MPDZ: variants seen among roughly 807,000 people sequenced by gnomAD.
MPDZ encodes multiple PDZ domain crumbs cell polarity complex component, also known as multiple PDZ domain protein.
MPDZ carries 234 observed loss-of-function variants against 239.1 expected under a neutral mutation model. That is an observed-to-expected ratio of 0.98 (90% confidence interval 0.88 to 1.09). The LOEUF is 1.09. MPDZ is among the 50% of genes least tolerant of loss of function. The pLI is 0.00. For synonymous variants in MPDZ, 1,048 were observed against 881.3 expected, an observed-to-expected ratio of 1.19 and a Z score of -3.35; for missense variants, 3,175 against 2,510.0, an observed-to-expected ratio of 1.26 and a Z score of -5.66.
chr9:13,156,285 T>C (rs1027401721), intron 24 of MPDZ, among the ~76,000 whole-genome samples: 2 of 152,190 alleles, frequency 1.3e-5, no homozygotes, highest in Admixed American at 1.3e-4. Context: ...AACATGGCTC[T>C]TACTGACACC....
intron 1 of MPDZ, among the ~76,000 whole-genome samples, chr9:13,277,690 T>C (rs1228900830): frequency 6.6e-6 from 1 of 152,022 alleles, no homozygotes; most frequent in Non-Finnish European, 1.5e-5. Flanking sequence ...CCAGCCTCCC[T>C]AGTATCTGAG....
At chr9:13,267,357 A>C (rs960106184) in intron 1 of MPDZ, among the ~76,000 whole-genome samples, 2 of 152,202 alleles carry the variant, frequency 1.3e-5, no homozygotes, top group Non-Finnish European at 2.9e-5. Context: ...AATCCTACCA[A>C]GAGCTCCATA....
Position 13,147,751 on chromosome 9 carries a change from T to G in MPDZ, c.3631-93A>C. On this transcript the variant is annotated intron_variant, in intron 25 of 46. Transcript: ENST00000319217. The stretch of plus-strand genomic sequence containing the variant: ...GAGTTTTAGGGATACTTGGTTAGAC[T>G]CCTAGAAAATCTGTTTTAATATCAA... 4.7e-6 allele frequency: 4 copies of G among 848,866 alleles called. No homozygotes were observed. In the South Asian group the frequency reaches 6.7e-5, roughly 14 times the overall value. 52.6% of individuals were successfully genotyped at this position (848,866 alleles called of 1,614,324 possible).
rs376418220 is a variant in MPDZ, at chr9:13,123,693, A to T, written c.4808-395T>A. 2.6e-5 allele frequency among the ~76,000 whole-genome samples: 4 copies of T among 152,198 alleles called. No homozygotes were observed. The East Asian group carries it at 7.7e-4, about 29-fold the overall frequency. On this transcript the variant is annotated intron_variant, in intron 35 of 46. Transcript: ENST00000319217. ...TTCTTATGAATTAAAAGATTTATAG[A>T]ACTCATAACTGAGATATGTGGCAAA...
chr9:13,141,737 C>T (rs1328086490), intron 27 of MPDZ, among the ~76,000 whole-genome samples: 2 of 152,074 alleles, frequency 1.3e-5, no homozygotes, highest in Admixed American at 6.6e-5. Context: ...AGACTGAATG[C>T]GACCTTTCTT....
chr9:13,258,009 C>T (rs1376275401), intron 1 of MPDZ, among the ~76,000 whole-genome samples: 2 of 152,112 alleles, frequency 1.3e-5, no homozygotes, highest in African/African-American at 4.8e-5. Flanking sequence ...GAGACAGCTG[C>T]CTAATCCTTA....
rs565420901 is a variant in MPDZ, at chr9:13,112,017, G to T, written c.5724+7C>A. The T allele has an allele frequency of 2.5e-6, 4 of 1,612,862 alleles. No individual in the cohort carries two copies. The highest frequency in any genetic ancestry group is 3.4e-6 in the Non-Finnish European group (4 of 1,179,206). ...CTAGGGCTTCTAGGGTTGATAGTAC[G>T]ACTCACTCTGAGTTTTTGGGTCTGT... On this transcript the variant is annotated splice_region_variant and intron_variant, in intron 43 of 46. Transcript: ENST00000319217.
In MPDZ at chr9:13,265,578, A is replaced by T. The variant is rs1372965492; in HGVS notation, c.-58+13822T>A. On this transcript the variant is annotated intron_variant, in intron 1 of 46. Transcript: ENST00000319217. ...GAGCGAAACTCCATCTCAAAAAGAA[A>T]AGAAGAAAAGAAAGCATTTGGTACT... is the stretch of plus-strand genomic sequence containing the variant. 4.7e-4 allele frequency among the ~76,000 whole-genome samples: 72 copies of T among 152,194 alleles called. 1 individual carries two copies. The highest frequency in any genetic ancestry group is 4.7e-3 in the Admixed American group (72 of 15,278).
chr9:13,176,236 T>C lies in MPDZ; in HGVS notation c.2831A>G (p.Tyr944Cys). Residue 944 changes from tyrosine to cysteine, a missense_variant, in exon 20 of 47, where the codon TAT becomes TGT. Transcript: ENST00000319217. The part of the protein sequence containing the change: ...YTPANAIEQQ[Y>C]ECENTIVWTE... ...CCACACTATTGTGTTTTCACATTCA[T>C]ATTGTTGTTCAATAGCATTTGCAGG... 6.2e-7 allele frequency: 1 copy of C among 1,606,188 alleles called. No homozygotes were observed. The highest frequency in any genetic ancestry group is 8.5e-7 in the Non-Finnish European group (1 of 1,175,678).
At chr9:13,214,442 A>T (rs1396802561) in intron 10 of MPDZ, among the ~76,000 whole-genome samples, 2 of 151,932 alleles carry the variant, frequency 1.3e-5, no homozygotes, top group African/African-American at 2.4e-5. Flanking sequence ...GTGACTGCTA[A>T]GGGGTACTGA....
chr9:13,134,545 T>C (rs1946465434), intron 31 of MPDZ: 1 of 152,206 alleles, frequency 6.6e-6, no homozygotes, highest in Non-Finnish European at 1.5e-5. Flanking sequence ...AATGTTTCTC[T>C]TCCTACAGGT....
chr9:13,114,821 G>A (rs916202041), intron 40 of MPDZ, among the ~76,000 whole-genome samples: 5 of 152,064 alleles, frequency 3.3e-5, no homozygotes, highest in South Asian at 2.1e-4. Flanking sequence ...AATCTACTTC[G>A]CCCGGGAGGC....
At chr9:13,225,652 C>CTGCATATAT (rs1172383276) in intron 3 of MPDZ, among the ~76,000 whole-genome samples, 1 of 151,924 alleles carries the variant, frequency 6.6e-6, no homozygotes, top group Non-Finnish European at 1.5e-5. Context: ...CAACTGCATA[C>CTGCATATAT]AGTACTCCAT....
At chr9:13,271,799 T>C (rs1285328991) in intron 1 of MPDZ, among the ~76,000 whole-genome samples, 1 of 152,196 alleles carries the variant, frequency 6.6e-6, no homozygotes, top group East Asian at 1.9e-4. Context: ...ATGCAATGAC[T>C]ACTACTCAGC....
intron 2 of MPDZ, among the ~76,000 whole-genome samples, chr9:13,248,391 T>C (rs896671119): frequency 6.6e-6 from 1 of 152,126 alleles, no homozygotes; most frequent in African/African-American, 2.4e-5. Flanking sequence ...CAAATAATTA[T>C]TGAACACTGT....
At chr9:13,261,319 C>T (rs1047505950) in intron 1 of MPDZ, among the ~76,000 whole-genome samples, 2 of 152,152 alleles carry the variant, frequency 1.3e-5, no homozygotes, top group African/African-American at 4.8e-5. Flanking sequence ...TACAGATGCA[C>T]AATCACTGAT....
At chr9:13,175,925 C>T in intron 20 of MPDZ, 50 bp from the exon 21 acceptor site, 1 of 1,542,960 alleles carries the variant, frequency 6.5e-7, no homozygotes, top group Non-Finnish European at 8.7e-7. Flanking sequence ...GGAAACTAGA[C>T]TTTGGAGCGT....
intron 1 of MPDZ, among the ~76,000 whole-genome samples, chr9:13,258,001 G>C (rs1044717480): frequency 6.6e-6 from 1 of 152,098 alleles, no homozygotes; most frequent in African/African-American, 2.4e-5. Flanking sequence ...AATATAATGA[G>C]ACAGCTGCCT....
chr9:13,160,614 A>C (rs1179509778), intron 23 of MPDZ, among the ~76,000 whole-genome samples: 1 of 151,636 alleles, frequency 6.6e-6, no homozygotes, highest in East Asian at 2.0e-4. Context: ...AGGAAACTAT[A>C]ACCAACTCAT....
Sources: allele counts gnomAD v4.1 joint callset (sites outside exome capture counted in the v4.1 genomes callset), GRCh38; gene constraint gnomAD v4.1.1; transcripts MANE v1.5; gene names NCBI Gene and HGNC (gene_info 2026-07-23, HGNC 2026-07-21).